MCC: variants seen among roughly 807,000 people sequenced by gnomAD.
MCC encodes colorectal mutant cancer protein.
MCC carries 90 observed loss-of-function variants against 116.2 expected under a neutral mutation model. The observed-to-expected ratio is 0.77, with a 90% CI of 0.65 to 0.92. The LOEUF (loss-of-function observed/expected upper bound fraction) is 0.92, where lower values mean the gene tolerates loss of function less well. MCC is among the 40% of genes least tolerant of loss of function. The pLI, the probability that MCC is intolerant of heterozygous loss-of-function variation, is 0.00. For synonymous variants in MCC, 578 were observed against 510.5 expected, an observed-to-expected ratio of 1.13 and a Z score of -1.78; for missense variants, 1,516 against 1,312.2, an observed-to-expected ratio of 1.16 and a Z score of -2.40.
At position 113,134,258 on chromosome 5, in the gene MCC, T is replaced by C. The variant is rs184401015; in HGVS notation, c.884+8960A>G. Among the ~76,000 whole-genome samples the C allele has an allele frequency of 3.0e-3, 455 of 152,326 alleles. 2 individuals are homozygous for C. The highest frequency in any genetic ancestry group is 5.0e-3 in the Admixed American group (77 of 15,310). On this transcript the variant is annotated intron_variant, in intron 5 of 18. Transcript: ENST00000408903. Reference sequence around the variant, plus strand: ...TCTGATTTTTGTATATGGCGAGAGATTGGTGTCTGGTTTCATTCTTCTGCA... The same window carrying C: ...TCTGATTTTTGTATATGGCGAGAGACTGGTGTCTGGTTTCATTCTTCTGCA...
chr5:113,220,469 C>A (rs1394409614), intron 3 of MCC, among the ~76,000 whole-genome samples: 1 of 152,138 alleles, frequency 6.6e-6, no homozygotes, highest in African/African-American at 2.4e-5. Context: ...ATGAATACAG[C>A]AGCTTGCTCC....
chr5:113,261,392 T>C (rs950217575), intron 3 of MCC, among the ~76,000 whole-genome samples: 8 of 152,274 alleles, frequency 5.3e-5, no homozygotes, highest in Admixed American at 1.3e-4. Context: ...CATAATATAA[T>C]GTTAACTGGA....
At chr5:113,333,941 CAAG>C (rs56056917) in intron 3 of MCC, among the ~76,000 whole-genome samples, 69,197 of 121,582 alleles carry the variant, frequency 0.57, 20,398 homozygotes, top group African/African-American at 0.75. Context: ...TGAGGGAAGA[CAAG>C]GAGACAAATG....
chr5:113,061,554 G>A (rs1753218511), intron 14 of MCC, among the ~76,000 whole-genome samples: 1 of 152,166 alleles, frequency 6.6e-6, no homozygotes, highest in Non-Finnish European at 1.5e-5. Context: ...AAATGAAGTG[G>A]CACCGACCCT....
At chr5:113,299,762 C>T (rs987801820) in intron 3 of MCC, among the ~76,000 whole-genome samples, 5 of 152,194 alleles carry the variant, frequency 3.3e-5, no homozygotes, top group Admixed American at 6.5e-5. Flanking sequence ...AGGGATTAAG[C>T]TCCTATGGAG....
Position 113,079,016 on chromosome 5 carries a change from C to G in MCC, c.1784+3844G>C, listed in dbSNP as rs1449344873. Among the ~76,000 whole-genome samples the G allele has an allele frequency of 2.0e-5, 3 of 152,282 alleles. No homozygotes were observed. The South Asian group carries it at 6.2e-4, about 32-fold the overall frequency. On this transcript the variant is annotated intron_variant, in intron 11 of 18. Transcript: ENST00000408903. ...CACAAGCATTCCTGTACACCAATAA[C>G]AGACAAACAGAGAGCCAAATCATGA...
chr5:113,038,671 G>A (rs1751480860), intron 17 of MCC, among the ~76,000 whole-genome samples: 1 of 152,050 alleles, frequency 6.6e-6, no homozygotes, highest in Non-Finnish European at 1.5e-5. Context: ...AAGAGGAAGA[G>A]CAGTCTCACG....
chr5:113,424,134 C>CACACAA (rs1770420060), intron 1 of MCC, among the ~76,000 whole-genome samples: 1 of 67,266 alleles, frequency 1.5e-5, no homozygotes, highest in Non-Finnish European at 2.8e-5. Flanking sequence ...TCATCCTCTA[C>CACACAA]ACACACACAC....
intron 17 of MCC, among the ~76,000 whole-genome samples, chr5:113,030,902 A>C (rs1297882458): frequency 6.6e-6 from 1 of 152,178 alleles, no homozygotes; most frequent in Non-Finnish European, 1.5e-5. Context: ...TCACTTTTGC[A>C]TTGCCAGATA....
intron 6 of MCC, among the ~76,000 whole-genome samples, chr5:113,119,586 C>G (rs1235491196): frequency 3.3e-5 from 5 of 152,156 alleles, no homozygotes; most frequent in Non-Finnish European, 7.4e-5. Context: ...GCTGAGGAAG[C>G]TAGAAGTCAC....
chr5:113,368,095 C>T (rs1307313960), intron 2 of MCC, among the ~76,000 whole-genome samples: 3 of 152,160 alleles, frequency 2.0e-5, no homozygotes. Flanking sequence ...TCTATTCTAA[C>T]ATTTCATTAA....
chr5:113,097,841 G>T (rs903272968), intron 8 of MCC, among the ~76,000 whole-genome samples: 1 of 152,104 alleles, frequency 6.6e-6, no homozygotes, highest in African/African-American at 2.4e-5. Flanking sequence ...CTTTTATTTG[G>T]TTCAAAATAG....
At chr5:113,320,583 T>C (rs946468964) in intron 3 of MCC, among the ~76,000 whole-genome samples, 13 of 152,320 alleles carry the variant, frequency 8.5e-5, no homozygotes, top group South Asian at 8.3e-4. Flanking sequence ...ACATGTTTAT[T>C]TTAGAATTAG....
intron 1 of MCC, among the ~76,000 whole-genome samples, chr5:113,443,570 T>C (rs1222998448): frequency 4.6e-5 from 7 of 152,210 alleles, no homozygotes; most frequent in African/African-American, 7.2e-5. Flanking sequence ...CCTTGTCTTA[T>C]GCCGGTTTTC....
chr5:113,458,967 T>C (rs750565152), intron 1 of MCC, among the ~76,000 whole-genome samples: 21 of 152,172 alleles, frequency 1.4e-4, no homozygotes, highest in South Asian at 4.2e-4. Flanking sequence ...GGGAGAGTTA[T>C]TGAGTAATAG....
At chr5:113,377,372 A>T (rs1420419573) in intron 2 of MCC, among the ~76,000 whole-genome samples, 3 of 152,166 alleles carry the variant, frequency 2.0e-5, no homozygotes, top group Non-Finnish European at 2.9e-5. Context: ...ACATGATGTG[A>T]TATAGTAGAA....
intron 1 of MCC, among the ~76,000 whole-genome samples, chr5:113,463,077 C>T (rs1451644953): frequency 6.6e-6 from 1 of 152,116 alleles, no homozygotes; most frequent in Non-Finnish European, 1.5e-5. Context: ...AGTTTGAGAA[C>T]AGCTGGATGT....
At chr5:113,161,220 A>G (rs56814474) in intron 3 of MCC, among the ~76,000 whole-genome samples, 9,439 of 152,254 alleles carry the variant, frequency 0.062, 406 homozygotes, top group East Asian at 0.17. Flanking sequence ...CTTAAATTTC[A>G]AGGGGGCTGC....
In MCC at chr5:113,222,741, T is replaced by TC. The variant is rs1763597253; in HGVS notation, c.628-71320dup. 2.0e-5 allele frequency among the ~76,000 whole-genome samples: 3 copies of TC among 152,312 alleles called. No homozygotes were observed. In the East Asian group the frequency reaches 5.8e-4, roughly 29 times the overall value. On this transcript the variant is annotated intron_variant, in intron 3 of 18. Coordinates refer to ENST00000408903, the MANE Select transcript of MCC (RefSeq NM_001085377.2). ...TGACTTATGGGGCAATGATACAGTGTCAAACACTCTGCTAGGAGCTGGGAA... is the reference window on the plus strand; with the variant it reads ...TGACTTATGGGGCAATGATACAGTGTCCAAACACTCTGCTAGGAGCTGGGAA...
Sources: gnomAD v4.1 joint callset for allele counts (sites outside exome capture counted in the v4.1 genomes callset) on GRCh38, gnomAD v4.1.1 for gene constraint, MANE v1.5 for transcripts, NCBI Gene and HGNC (gene_info 2026-07-23, HGNC 2026-07-21) for gene names.